Variants in DMD observed in about 807,000 individuals in gnomAD.
DMD encodes the protein mutant dystrophin.
Under a neutral mutation model 330.1 loss-of-function variants are expected in DMD, and 63 were observed. The ratio of observed to expected loss-of-function variants is 0.19; its 90% CI spans 0.16 to 0.24. DMD has a LOEUF of 0.24. Ranked by LOEUF, DMD falls within the 10% of genes least tolerant of loss-of-function variation. The pLI is 1.00. For synonymous variants in DMD, 1,223 were observed against 959.8 expected (o/e 1.27, Z -5.07); for missense variants, 3,344 against 2,684.1 (o/e 1.25, Z -5.43).
intron 45 of DMD, among the ~76,000 whole-genome samples, chrX:31,965,892 T>A (rs1171127051): frequency 1.8e-5 from 2 of 111,870 alleles, no homozygotes; most frequent in Non-Finnish European, 3.8e-5. Flanking sequence ...TAGACTAACC[T>A]TCTTGGATGT....
At chrX:32,280,037 C>A (rs1441642428) in intron 43 of DMD, among the ~76,000 whole-genome samples, 2 of 68,395 alleles carry the variant, frequency 2.9e-5, no homozygotes, top group African/African-American at 5.3e-5. Flanking sequence ...TATATATATA[C>A]CCCACATATA....
intron 54 of DMD, among the ~76,000 whole-genome samples, chrX:31,639,826 A>T (rs1412544572): frequency 9.0e-6 from 1 of 111,714 alleles, no homozygotes; most frequent in Admixed American, 9.5e-5. Flanking sequence ...AATCGTAAAG[A>T]AGGTATTACA....
intron 6 of DMD, among the ~76,000 whole-genome samples, chrX:32,810,106 G>A (rs1165799785): frequency 9.1e-6 from 1 of 110,417 alleles, no homozygotes; most frequent in Non-Finnish European, 1.9e-5. Flanking sequence ...CTGGGCAACA[G>A]AGTGAGACCC....
At chrX:32,156,110 G>A (rs762768010) in intron 44 of DMD, among the ~76,000 whole-genome samples, 2 of 112,099 alleles carry the variant, frequency 1.8e-5, no homozygotes, top group Non-Finnish European at 3.8e-5. Context: ...GCCTGGGCAC[G>A]GTGGCTCACG....
chrX:32,209,451 C>T (rs2097084984), intron 44 of DMD, among the ~76,000 whole-genome samples: 1 of 111,216 alleles, frequency 9.0e-6, no homozygotes, highest in Admixed American at 9.6e-5. Context: ...TTCTAGGGAA[C>T]AGTAAGAAGG....
rs764758988 is a variant in DMD, at chrX:31,567,796, CA to C, written c.8217+59876del. 7.2e-5 allele frequency among the ~76,000 whole-genome samples: 8 copies of C among 110,904 alleles called. No homozygotes were observed. In the Admixed American group the frequency reaches 7.7e-4, roughly 11 times the overall value. On this transcript the variant is annotated intron_variant, in intron 55 of 78. Transcript: ENST00000357033. ...AGCAAAGCAGTAGTCAAAGAACCAA[CA>C]TTTTATTGAGCCAGTTCCCACAGAG...
chrX:32,443,519 ACCT>A (rs2098291044), intron 27 of DMD, among the ~76,000 whole-genome samples: 1 of 110,946 alleles, frequency 9.0e-6, no homozygotes, highest in African/African-American at 3.3e-5. Context: ...ACCCGAGGGT[ACCT>A]TAGAGCTTTG....
In DMD at chrX:32,977,794, G is replaced by A. The variant is rs745998382; in HGVS notation, c.93+42345C>T. Among the ~76,000 whole-genome samples the A allele has an allele frequency of 1.4e-4, 15 of 110,961 alleles. No homozygotes were observed. The East Asian group carries it at 4.3e-3, about 31-fold the overall frequency. ...AAATGGAGGAATAGAATGTTAATTG[G>A]AACAAGACTAGTAGTAGCTGATTAG... On this transcript the variant is annotated intron_variant, in intron 2 of 78. Coordinates refer to ENST00000357033, the MANE Select transcript of DMD (RefSeq NM_004006.3).
chrX:32,924,138 C>T (rs1291486090), intron 2 of DMD, among the ~76,000 whole-genome samples: 1 of 111,386 alleles, frequency 9.0e-6, no homozygotes, highest in African/African-American at 3.3e-5. Flanking sequence ...CAAACCAAAA[C>T]AAACAAAAAA....
intron 7 of DMD, among the ~76,000 whole-genome samples, chrX:32,770,482 T>C (rs2073486404): frequency 8.9e-6 from 1 of 111,894 alleles, no homozygotes; most frequent in African/African-American, 3.2e-5. Context: ...GAGTTCCTTT[T>C]CTATGCTTGA....
intron 61 of DMD, among the ~76,000 whole-genome samples, chrX:31,334,348 T>C (rs2057310259): frequency 8.9e-6 from 1 of 112,304 alleles, no homozygotes; most frequent in Non-Finnish European, 1.9e-5. Flanking sequence ...ATTATAAACA[T>C]TCTTTGCTAA....
chrX:32,748,366 A>G (rs989135495), intron 7 of DMD, among the ~76,000 whole-genome samples: 2 of 109,710 alleles, frequency 1.8e-5, no homozygotes, highest in Admixed American at 9.8e-5. Flanking sequence ...AAAAGAAAAG[A>G]AAAGAAAAGA....
chrX:31,508,118 C>T (rs1316727881), intron 55 of DMD: 2 of 728,963 alleles, frequency 2.7e-6, no homozygotes, highest in Non-Finnish European at 4.1e-6. Context: ...GTACATAGGA[C>T]CTTGGTAAGA....
chrX:32,233,760 G>A (rs1302447297), intron 43 of DMD, among the ~76,000 whole-genome samples: 1 of 108,981 alleles, frequency 9.2e-6, no homozygotes, highest in Non-Finnish European at 1.9e-5. Context: ...AGCCTCCTGA[G>A]TAGCTGGGGT....
At chrX:31,312,546 T>C (rs2055607726) in intron 62 of DMD, among the ~76,000 whole-genome samples, 1 of 112,619 alleles carries the variant, frequency 8.9e-6, no homozygotes, top group South Asian at 3.6e-4. Context: ...GAAAACAGTA[T>C]GGCAATTCCT....
chrX:32,516,151 TAA>T (rs2045839804), intron 18 of DMD, among the ~76,000 whole-genome samples: 1 of 111,616 alleles, frequency 9.0e-6, no homozygotes, highest in African/African-American at 3.3e-5. Context: ...GCCATGAGTT[TAA>T]AATAACCTAT....
chrX:32,657,996 A>G (rs897243147), intron 9 of DMD, among the ~76,000 whole-genome samples: 5 of 111,618 alleles, frequency 4.5e-5, no homozygotes, highest in African/African-American at 9.8e-5. Context: ...CAAAATACAC[A>G]TATCTCGTGA....
intron 1 of DMD, among the ~76,000 whole-genome samples, chrX:33,199,191 T>G: frequency 9.0e-6 from 1 of 111,342 alleles, no homozygotes; most frequent in East Asian, 2.8e-4. Flanking sequence ...AGAGAGTGGA[T>G]TATCAAGAAT....
At chrX:32,826,762 C>G (rs2078725139) in intron 4 of DMD, among the ~76,000 whole-genome samples, 1 of 110,813 alleles carries the variant, frequency 9.0e-6, no homozygotes. Flanking sequence ...GGAATAAATT[C>G]AAGAGATCTA....
Sources: allele counts gnomAD v4.1 joint callset (sites outside exome capture counted in the v4.1 genomes callset), GRCh38; gene constraint gnomAD v4.1.1; transcripts MANE v1.5; gene names NCBI Gene and HGNC (gene_info 2026-07-23, HGNC 2026-07-21).